Variants in TBL1X observed in about 807,000 individuals in gnomAD.
The protein encoded by TBL1X is transducin beta like 1 X-linked.
A neutral mutation model predicts 50.7 loss-of-function variants in TBL1X; 10 were observed. The ratio of observed to expected loss-of-function variants is 0.20; its 90% CI spans 0.12 to 0.33. TBL1X has a LOEUF of 0.33. Ranked by LOEUF, TBL1X falls within the 10% of genes least tolerant of loss-of-function variation. The pLI is 1.00. For missense variants in TBL1X, 340 were observed against 504.4 expected (o/e 0.67, Z 3.12); for synonymous variants, 190 against 214.7 (o/e 0.88, Z 1.01).
At chrX:9,683,744 C>G (rs188711345) in intron 5 of TBL1X, among the ~76,000 whole-genome samples, 1 of 111,373 alleles carries the variant, frequency 9.0e-6, no homozygotes, top group East Asian at 2.8e-4. Flanking sequence ...GCATGCAGGG[C>G]AAACTATTGT....
chrX:9,715,824 C>T (rs1299604103), intron 17 of TBL1X, among the ~76,000 whole-genome samples: 2 of 92,320 alleles, frequency 2.2e-5, no homozygotes, highest in African/African-American at 9.7e-5. Flanking sequence ...GTTGCCCTGA[C>T]CTCTGGGGCA....
chrX:9,581,385 C>T (rs989043037), intron 2 of TBL1X, among the ~76,000 whole-genome samples: 1 of 111,771 alleles, frequency 8.9e-6, no homozygotes, highest in Non-Finnish European at 1.9e-5. Flanking sequence ...CACACCGTGC[C>T]CCCTGTGTAG....
rs1422351002 is a variant in TBL1X at position 9,719,288 on chromosome X, GGACTT to G, written c.*3048_*3052del. 2.7e-5 allele frequency: 3 copies of G among 112,333 alleles called. No homozygotes were observed. The highest frequency in any genetic ancestry group is 9.7e-5 in the African/African-American group (3 of 30,821). 9.3% of individuals were successfully genotyped at this position (112,333 alleles called of 1,213,427 possible). A position where few individuals can be genotyped will look rare whatever the true frequency, so the allele number is the denominator to read the frequency against. ...CCCTCTGACCCCTCGCGACACCGTA[GGACTT>G]GACTTTTGTTTAGTCTTTCTAAGAA... On this transcript the variant is annotated 3_prime_UTR_variant, in exon 18 of 18. Coordinates refer to ENST00000645353, the MANE Select transcript of TBL1X (RefSeq NM_005647.4).
intron 2 of TBL1X, among the ~76,000 whole-genome samples, chrX:9,591,982 A>T (rs981887104): frequency 2.7e-5 from 3 of 111,792 alleles, no homozygotes; most frequent in African/African-American, 6.5e-5. Context: ...TGTAATCTAA[A>T]CTCTTTTGAG....
At chrX:9,538,718 A>T (rs767847371) in intron 2 of TBL1X, among the ~76,000 whole-genome samples, 1 of 112,024 alleles carries the variant, frequency 8.9e-6, no homozygotes, top group Admixed American at 9.4e-5. Context: ...TTCCTGGGTG[A>T]TGTTTGTTTG....
chrX:9,677,596 T>C (rs2083002153), intron 5 of TBL1X, among the ~76,000 whole-genome samples: 1 of 111,075 alleles, frequency 9.0e-6, no homozygotes, highest in African/African-American at 3.3e-5. Context: ...ACTGTAGTCA[T>C]AAAGGTACAC....
At chrX:9,523,797 C>T (rs756301126) in intron 2 of TBL1X, among the ~76,000 whole-genome samples, 8 of 111,047 alleles carry the variant, frequency 7.2e-5, no homozygotes, top group Non-Finnish European at 1.1e-4. Flanking sequence ...CGAGTGAAGC[C>T]GCAGAGGTCT....
intron 16 of TBL1X, among the ~76,000 whole-genome samples, chrX:9,713,272 A>G (rs754584537): frequency 1.4e-4 from 16 of 111,292 alleles, no homozygotes; most frequent in Non-Finnish European, 3.0e-4. Flanking sequence ...TCCGTTCCTG[A>G]AATCCTCGCT....
In TBL1X at chrX:9,716,639, G is replaced by GAA. The variant is rs529183499; in HGVS notation, c.*397_*398dup. 9,799 of 118,005 alleles carry GAA rather than the reference G, an allele frequency of 0.083. 439 individuals carry two copies. The highest frequency in any genetic ancestry group is 0.17 in the African/African-American group (4,990 of 28,878). 9.7% of individuals were successfully genotyped at this position (118,005 alleles called of 1,213,427 possible). On this transcript the variant is annotated 3_prime_UTR_variant, in exon 18 of 18. Transcript: ENST00000645353. ...TGTGATAAACCAAACAGGGAAGGGG[G>GAA]AAAAACCCTCCTCCTTGGGATTTTT...
In TBL1X at chrX:9,487,737, ACAATTTTCGTCAG is replaced by A. The variant is rs1412345052; in HGVS notation, c.-200-14041_-200-14029del. Among the ~76,000 whole-genome samples the A allele has an allele frequency of 3.6e-5, 4 of 111,796 alleles. No individual in the cohort carries two copies. In the East Asian group the frequency reaches 1.1e-3, roughly 31 times the overall value. On this transcript the variant is annotated intron_variant, in intron 1 of 17. Coordinates refer to ENST00000645353, the MANE Select transcript of TBL1X (RefSeq NM_005647.4). ...CTATACCTAAAGGTCAACGTAGAAA[ACAATTTTCGTCAG>A]CTAGAGCTGGGCCTGCAGGTCTCTC... is the stretch of plus-strand genomic sequence containing the variant.
In TBL1X at chrX:9,672,499, C is replaced by T. The variant is rs750921153; in HGVS notation, c.212-11544C>T. ...ATCCCTTTGCTGGTGCCTCCTTCTC[C>T]GTTCACTTCTCAACTACTACTGTCC... On this transcript the variant is annotated intron_variant, in intron 5 of 17. Transcript: ENST00000645353. 6.9e-4 allele frequency among the ~76,000 whole-genome samples: 77 copies of T among 111,674 alleles called. 1 individual carries two copies. Among genetic ancestry groups the T allele is most frequent in the Admixed American group, 1.4e-3 (15 of 10,513 alleles).
At chrX:9,511,713 A>G (rs1394024336) in intron 2 of TBL1X, among the ~76,000 whole-genome samples, 1 of 112,473 alleles carries the variant, frequency 8.9e-6, no homozygotes, top group African/African-American at 3.2e-5. Flanking sequence ...TTGCAACATC[A>G]TACTTTGGAA....
chrX:9,512,034 T>G (rs1179230082), intron 2 of TBL1X, among the ~76,000 whole-genome samples: 1 of 111,000 alleles, frequency 9.0e-6, no homozygotes, highest in Non-Finnish European at 1.9e-5. Context: ...CTAGTTTTAT[T>G]TTTTTGTAGA....
intron 12 of TBL1X, among the ~76,000 whole-genome samples, chrX:9,699,679 G>A (rs772002946): frequency 1.1e-4 from 12 of 111,671 alleles, no homozygotes; most frequent in Non-Finnish European, 1.5e-4. Flanking sequence ...AGGTCCCGTC[G>A]AGGCACGATT....
At chrX:9,527,086 C>T (rs1236096317) in intron 2 of TBL1X, among the ~76,000 whole-genome samples, 2 of 112,188 alleles carry the variant, frequency 1.8e-5, no homozygotes, top group Non-Finnish European at 3.8e-5. Context: ...GGAGGATCGC[C>T]GTGGATCACA....
At chrX:9,704,439 C>T (rs1044610980) in intron 12 of TBL1X, among the ~76,000 whole-genome samples, 3 of 111,849 alleles carry the variant, frequency 2.7e-5, no homozygotes, top group Admixed American at 9.4e-5. Context: ...GCCATGGGAG[C>T]GGGAGATTCT....
intron 2 of TBL1X, among the ~76,000 whole-genome samples, chrX:9,585,179 C>A (rs1009730206): frequency 3.2e-4 from 36 of 111,417 alleles, no homozygotes; most frequent in African/African-American, 1.1e-3. Flanking sequence ...AACGCAAGCA[C>A]AACTTGCCCT....
At chrX:9,593,405 A>AAATAAT (rs201782729) in intron 2 of TBL1X, among the ~76,000 whole-genome samples, 8 of 102,142 alleles carry the variant, frequency 7.8e-5, no homozygotes, top group South Asian at 4.3e-4. Flanking sequence ...TCCATCTTAA[A>AAATAAT]AATAATAATA....
intron 2 of TBL1X, among the ~76,000 whole-genome samples, chrX:9,622,421 G>A (rs1415713128): frequency 3.6e-5 from 4 of 110,888 alleles, no homozygotes; most frequent in Admixed American, 9.6e-5. Context: ...TTAGTGTAGC[G>A]TCTTCAAGGT....
Sources: gnomAD v4.1 joint callset for allele counts (sites outside exome capture counted in the v4.1 genomes callset) on GRCh38, gnomAD v4.1.1 for gene constraint, MANE v1.5 for transcripts, NCBI Gene and HGNC (gene_info 2026-07-23, HGNC 2026-07-21) for gene names.